Variants in PLD5 observed in about 807,000 individuals in gnomAD.
The protein encoded by PLD5 is inactive phospholipase D5.
A neutral mutation model predicts 61.1 loss-of-function variants in PLD5; 36 were observed. The ratio of observed to expected loss-of-function variants is 0.59; its 90% CI spans 0.45 to 0.78. PLD5 has a LOEUF of 0.78. PLD5 is among the 30% of genes least tolerant of loss of function. The pLI, the probability that PLD5 is intolerant of heterozygous loss-of-function variation, is 0.00. For synonymous variants in PLD5, 243 were observed against 242.8 expected (o/e 1.00, Z -0.01); for missense variants, 515 against 644.4 (o/e 0.80, Z 2.17).
chr1:242,384,601 T>A (rs1662491466), intron 1 of PLD5, among the ~76,000 whole-genome samples: 1 of 152,204 alleles, frequency 6.6e-6, no homozygotes, highest in Non-Finnish European at 1.5e-5. Flanking sequence ...TCATTTACAC[T>A]TCAGCATGGT....
At chr1:242,506,734 C>A (rs879558841) in intron 1 of PLD5, among the ~76,000 whole-genome samples, 2 of 152,290 alleles carry the variant, frequency 1.3e-5, no homozygotes, top group East Asian at 3.9e-4. Context: ...ATAAGCAGAG[C>A]TACTTTGAAA....
intron 3 of PLD5, among the ~76,000 whole-genome samples, chr1:242,273,518 C>CT (rs1674233938): frequency 6.6e-6 from 1 of 152,154 alleles, no homozygotes; most frequent in Non-Finnish European, 1.5e-5. Context: ...CACACTAATA[C>CT]TTTCAAAAAA....
intron 5 of PLD5, among the ~76,000 whole-genome samples, chr1:242,191,932 A>G (rs943504603): frequency 7.2e-5 from 11 of 152,146 alleles, no homozygotes; most frequent in Non-Finnish European, 1.3e-4. Context: ...CAGAAAAGAA[A>G]GACTCACTCT....
chr1:242,177,415 G>A (rs548642570), intron 5 of PLD5, among the ~76,000 whole-genome samples: 1 of 152,132 alleles, frequency 6.6e-6, no homozygotes, highest in East Asian at 1.9e-4. Context: ...GGGCCTGTTG[G>A]GTGGTAGGGG....
At chr1:242,300,838 G>T (rs1467593300) in intron 2 of PLD5, among the ~76,000 whole-genome samples, 1 of 152,244 alleles carries the variant, frequency 6.6e-6, no homozygotes, top group East Asian at 1.9e-4. Context: ...TTGAACCACC[G>T]TGTGAATGCT....
intron 2 of PLD5, among the ~76,000 whole-genome samples, chr1:242,344,338 T>C (rs4297278): frequency 0.87 from 132,930 of 152,068 alleles, 58,576 homozygotes; most frequent in Non-Finnish European, 0.93. Context: ...CATTTCTCTG[T>C]CTGCCTTTGA....
At chr1:242,345,499 G>A (rs1660079592) in intron 2 of PLD5, 2 of 751,288 alleles carry the variant, frequency 2.7e-6, no homozygotes, top group Non-Finnish European at 2.4e-6. Flanking sequence ...TAAAAACATT[G>A]GCAAGGGATG....
intron 5 of PLD5, among the ~76,000 whole-genome samples, chr1:242,218,128 T>C (rs1670329588): frequency 6.6e-6 from 1 of 152,132 alleles, no homozygotes; most frequent in Admixed American, 6.5e-5. Flanking sequence ...TTTTAAGAGA[T>C]TGCTATAGCC....
chr1:242,095,336 G>A (rs965772827), intron 9 of PLD5, among the ~76,000 whole-genome samples: 2 of 152,158 alleles, frequency 1.3e-5, no homozygotes, highest in African/African-American at 2.4e-5. Context: ...GGGTTCAAGC[G>A]ATTCTCCTGT....
At chr1:242,367,212 T>C (rs1454628610) in intron 1 of PLD5, among the ~76,000 whole-genome samples, 1 of 152,126 alleles carries the variant, frequency 6.6e-6, no homozygotes, top group Non-Finnish European at 1.5e-5. Flanking sequence ...GTACCACCTA[T>C]GGACAAGAAA....
intron 5 of PLD5, among the ~76,000 whole-genome samples, chr1:242,211,094 C>G (rs966058781): frequency 2.0e-5 from 3 of 152,174 alleles, no homozygotes; most frequent in African/African-American, 7.2e-5. Flanking sequence ...GGAGACCTAG[C>G]TGGGATCATC....
intron 1 of PLD5, among the ~76,000 whole-genome samples, chr1:242,439,467 T>C (rs1406314018): frequency 6.6e-6 from 1 of 152,098 alleles, no homozygotes; most frequent in African/African-American, 2.4e-5. Flanking sequence ...GTTGGCCTGA[T>C]CTCAGGCACT....
intron 4 of PLD5, among the ~76,000 whole-genome samples, chr1:242,261,311 T>C (rs9943061): frequency 0.21 from 32,463 of 152,124 alleles, 6,734 homozygotes; most frequent in East Asian, 0.6. Flanking sequence ...AGTATAAAAA[T>C]GAACCTTTAC....
At chr1:242,100,632 C>T in intron 9 of PLD5, 36 bp downstream of exon 9, 1 of 1,487,962 alleles carries the variant, frequency 6.7e-7, no homozygotes, top group South Asian at 1.1e-5. Flanking sequence ...CCCTGGGTGA[C>T]CCCCACCCAA....
chr1:242,096,078 C>T (rs1393060222), intron 9 of PLD5, among the ~76,000 whole-genome samples: 1 of 151,842 alleles, frequency 6.6e-6, no homozygotes, highest in Non-Finnish European at 1.5e-5. Flanking sequence ...CCTGCCTCAG[C>T]CTCCCAAGTA....
At chr1:242,487,784 A>ACATT (rs1174839744) in intron 1 of PLD5, among the ~76,000 whole-genome samples, 1 of 151,526 alleles carries the variant, frequency 6.6e-6, no homozygotes, top group Non-Finnish European at 1.5e-5. Context: ...GCACATTAGA[A>ACATT]GATTTTCAAC....
rs368529218 is a variant in PLD5 at position 242,455,223 on chromosome 1, T to C, written c.189+68865A>G. Among the ~76,000 whole-genome samples the C allele has an allele frequency of 2.6e-5, 4 of 152,344 alleles. No individual in the cohort carries two copies. In the East Asian group the frequency reaches 7.7e-4, roughly 29 times the overall value. On this transcript the variant is annotated intron_variant, in intron 1 of 9. Coordinates refer to ENST00000536534, the MANE Select transcript of PLD5 (RefSeq NM_001372062.1). Reference sequence around the variant, plus strand: ...TTTAATGCCAGAATTTGCAAATCATTTGAAAGGCTTTATTTAGATGAAGAT... The same window carrying C: ...TTTAATGCCAGAATTTGCAAATCATCTGAAAGGCTTTATTTAGATGAAGAT...
intron 5 of PLD5, among the ~76,000 whole-genome samples, chr1:242,207,758 TTATATTTATA>T (rs1176470106): frequency 7.2e-5 from 4 of 55,386 alleles, no homozygotes; most frequent in Middle Eastern, 8.8e-3. Flanking sequence ...TTATATATAT[TTATATTTATA>T]TATATTTATA....
chr1:242,426,581 C>T (rs574381526), intron 1 of PLD5, among the ~76,000 whole-genome samples: 7 of 152,274 alleles, frequency 4.6e-5, no homozygotes, highest in South Asian at 2.1e-4. Context: ...CAGCCCACTA[C>T]GATCTTACGG....
Sources: gnomAD v4.1 joint callset for allele counts (sites outside exome capture counted in the v4.1 genomes callset) on GRCh38, gnomAD v4.1.1 for gene constraint, MANE v1.5 for transcripts, NCBI Gene and HGNC (gene_info 2026-07-23, HGNC 2026-07-21) for gene names.